The following ADARB2 variants were observed in gnomAD, a reference collection of about 807,000 sequenced individuals.
ADARB2 encodes the protein inactive double-stranded RNA-specific editase B2.
In ADARB2, 25 loss-of-function variants were observed where a neutral mutation model predicts 62.2. That is an observed-to-expected ratio of 0.40 (90% CI 0.29 to 0.56). The LOEUF (loss-of-function observed/expected upper bound fraction) is 0.56. Ranked by LOEUF, ADARB2 falls within the 20% of genes least tolerant of loss-of-function variation. The pLI, the probability that ADARB2 is intolerant of heterozygous loss-of-function variation, is 0.43. For missense variants in ADARB2, 1,071 were observed against 1,077.4 expected (o/e 0.99, Z 0.08); for synonymous variants, 572 against 500.8 (o/e 1.14, Z -1.90).
At chr10:1,337,482 A>G (rs1006645639) in intron 3 of ADARB2, among the ~76,000 whole-genome samples, 2 of 152,176 alleles carry the variant, frequency 1.3e-5, no homozygotes, top group African/African-American at 4.8e-5. Context: ...CCTGCAAACA[A>G]TTCTTCCATG....
At chr10:1,616,365 G>A (rs1833634697) in intron 1 of ADARB2, among the ~76,000 whole-genome samples, 1 of 152,226 alleles carries the variant, frequency 6.6e-6, no homozygotes, top group Admixed American at 6.5e-5. Context: ...ATGTCTGTGT[G>A]CCCCTCCAGA....
chr10:1,646,975 A>C (rs1834051074), intron 1 of ADARB2, among the ~76,000 whole-genome samples: 1 of 152,248 alleles, frequency 6.6e-6, no homozygotes, highest in African/African-American at 2.4e-5. Flanking sequence ...CAGTGTAAAA[A>C]TGGAAAGGCC....
chr10:1,199,816 T>G, intron 8 of ADARB2, 150 bp downstream of exon 8: 1 of 838,424 alleles, frequency 1.2e-6, no homozygotes, highest in Non-Finnish European at 1.8e-6. Context: ...TCATTTTTTC[T>G]TTTTAAAATC....
At chr10:1,564,522 G>C (rs11250628) in intron 1 of ADARB2, among the ~76,000 whole-genome samples, 5 of 151,896 alleles carry the variant, frequency 3.3e-5, no homozygotes, top group African/African-American at 7.3e-5. Flanking sequence ...CTGACAAAGG[G>C]CTAATATCCA....
chr10:1,369,871 C>T (rs1466438499), intron 2 of ADARB2, among the ~76,000 whole-genome samples: 1 of 152,166 alleles, frequency 6.6e-6, no homozygotes, highest in Non-Finnish European at 1.5e-5. Context: ...CTCCAAAGCT[C>T]GAGGCACAGA....
intron 3 of ADARB2, among the ~76,000 whole-genome samples, chr10:1,297,246 C>T (rs938751131): frequency 1.6e-4 from 24 of 152,094 alleles, no homozygotes; most frequent in African/African-American, 4.1e-4. Flanking sequence ...GTGTAGCCCC[C>T]GTCGGCCTTG....
At chr10:1,573,298 TCAA>T (rs1832965393) in intron 1 of ADARB2, among the ~76,000 whole-genome samples, 1 of 152,082 alleles carries the variant, frequency 6.6e-6, no homozygotes, top group East Asian at 1.9e-4. Context: ...TCACCGGCAC[TCAA>T]CTGTGCTCAG....
rs1290315963 is a variant in ADARB2, at chr10:1,379,015, G to T, written c.187+59C>A. The T allele has an allele frequency of 2.7e-6, 4 of 1,473,356 alleles. No homozygotes were observed. The East Asian group carries it at 6.8e-5, about 25-fold the overall frequency. The allele number at this position is 1,473,356 out of a possible 1,614,324, so 91.3% of individuals were successfully genotyped here. The stretch of plus-strand genomic sequence containing the variant: ...ATCTCAGGTTTTGGGGACTGCAGGG[G>T]ACCCCTGCACAAAGGATACAGGGGC... On this transcript the variant is annotated intron_variant, in intron 2 of 9. Transcript: ENST00000381312.
intron 7 of ADARB2, among the ~76,000 whole-genome samples, chr10:1,208,404 C>T (rs150429924): frequency 1.7e-3 from 262 of 152,314 alleles, no homozygotes; most frequent in Middle Eastern, 0.01. Context: ...CTCCAAGCAC[C>T]CACTGGCTCT....
In ADARB2 at chr10:1,390,559, T is replaced by C. The variant is rs909785226; in HGVS notation, c.101-11399A>G. Among the ~76,000 whole-genome samples, 14 of 152,196 alleles carry C rather than the reference T, an allele frequency of 9.2e-5. No individual in the cohort carries two copies. The East Asian group carries it at 1.2e-3, about 13-fold the overall frequency. ...ATTGTTGAATCTATAAAGAAGAAAA[T>C]TGAGGATGATAGATATTAAATGAAG... On this transcript the variant is annotated intron_variant, in intron 1 of 9. Transcript: ENST00000381312.
chr10:1,471,168 C>G (rs1169287402), intron 1 of ADARB2, among the ~76,000 whole-genome samples: 1 of 152,186 alleles, frequency 6.6e-6, no homozygotes, highest in East Asian at 1.9e-4. Context: ...AATGGAAACT[C>G]ACGATTCCAC....
rs1198777862 is a variant in ADARB2 at position 1,262,150 on chromosome 10, G to C, written c.1192+8805C>G. On this transcript the variant is annotated intron_variant, in intron 4 of 9. Coordinates refer to ENST00000381312, the MANE Select transcript of ADARB2 (RefSeq NM_018702.4). The stretch of plus-strand genomic sequence containing the variant: ...CACTCTGGGGACTGTGGTGGGGTGG[G>C]GGGAGGGGGGAGGGATAGCATTGGG... Among the ~76,000 whole-genome samples the C allele has an allele frequency of 2.8e-5, 3 of 108,434 alleles. No homozygotes were observed. In the East Asian group the frequency reaches 9.5e-4, roughly 34 times the overall value. The allele number at this position is 108,434 out of a possible 152,430, so 71.1% of individuals were successfully genotyped here.
intron 4 of ADARB2, among the ~76,000 whole-genome samples, chr10:1,265,484 A>G (rs1051045610): frequency 3.3e-5 from 5 of 152,258 alleles, no homozygotes; most frequent in Non-Finnish European, 7.3e-5. Flanking sequence ...ACGCTGAACT[A>G]CTGTGTGATG....
At chr10:1,512,595 T>C (rs796701015) in intron 1 of ADARB2, among the ~76,000 whole-genome samples, 10 of 152,348 alleles carry the variant, frequency 6.6e-5, no homozygotes, top group African/African-American at 2.4e-4. Context: ...CCAAGTCTCA[T>C]GACATGGAGA....
At chr10:1,366,647 C>T (rs146341540) in intron 2 of ADARB2, among the ~76,000 whole-genome samples, 78 of 152,260 alleles carry the variant, frequency 5.1e-4, no homozygotes, top group African/African-American at 1.8e-3. Context: ...ATCGGATCAC[C>T]CTCGTCTGTG....
chr10:1,565,822 A>G (rs1393979329), intron 1 of ADARB2, among the ~76,000 whole-genome samples: 2 of 151,996 alleles, frequency 1.3e-5, no homozygotes, highest in African/African-American at 2.4e-5. Context: ...CATTTCGGTC[A>G]TCTGTCTTGG....
At chr10:1,557,476 C>T (rs1369933394) in intron 1 of ADARB2, among the ~76,000 whole-genome samples, 1 of 152,204 alleles carries the variant, frequency 6.6e-6, no homozygotes, top group Admixed American at 6.5e-5. Flanking sequence ...CCCGCCAGTC[C>T]AGCACATTTC....
At chr10:1,308,987 A>G (rs922999315) in intron 3 of ADARB2, among the ~76,000 whole-genome samples, 3 of 152,218 alleles carry the variant, frequency 2.0e-5, no homozygotes, top group Admixed American at 2.0e-4. Flanking sequence ...GATTTCCTAC[A>G]GGGGAAAAGT....
At chr10:1,451,754 G>C (rs1831042907) in intron 1 of ADARB2, among the ~76,000 whole-genome samples, 1 of 152,136 alleles carries the variant, frequency 6.6e-6, no homozygotes. Flanking sequence ...CCCGTATGAG[G>C]AGGAAGTACA....
Sources: gnomAD v4.1 joint callset for allele counts (sites outside exome capture counted in the v4.1 genomes callset) on GRCh38, gnomAD v4.1.1 for gene constraint, MANE v1.5 for transcripts, NCBI Gene and HGNC (gene_info 2026-07-23, HGNC 2026-07-21) for gene names.